PTPRD: variants seen among roughly 807,000 people sequenced by gnomAD.
PTPRD encodes receptor-type tyrosine-protein phosphatase delta.
PTPRD carries 34 observed loss-of-function variants against 214.5 expected under a neutral mutation model. That is an observed-to-expected ratio of 0.16 (90% CI 0.12 to 0.21). The LOEUF (loss-of-function observed/expected upper bound fraction) is 0.21. Among genes scored for constraint, PTPRD ranks in the 10% least tolerant of loss-of-function variants. The probability of loss-of-function intolerance (pLI) is 1.00; values close to 1 mark genes in which losing one functional copy is unlikely to be tolerated. For synonymous variants in PTPRD, 1,128 were observed against 845.7 expected (o/e 1.33, Z -5.79); for missense variants, 2,545 against 2,398.7 (o/e 1.06, Z -1.27).
intron 11 of PTPRD, among the ~76,000 whole-genome samples, chr9:8,814,206 A>G (rs2096874187): frequency 6.6e-6 from 1 of 152,196 alleles, no homozygotes; most frequent in Admixed American, 6.5e-5. Context: ...CTCAAAAGTT[A>G]ATGCCCTCCC....
At chr9:8,364,044 T>C (rs2079152127) in intron 39 of PTPRD, among the ~76,000 whole-genome samples, 1 of 152,234 alleles carries the variant, frequency 6.6e-6, no homozygotes, top group Non-Finnish European at 1.5e-5. Flanking sequence ...TGTTTATTTA[T>C]ATACAATATT....
intron 43 of PTPRD, among the ~76,000 whole-genome samples, chr9:8,333,313 C>A (rs527924857): frequency 6.6e-6 from 1 of 152,052 alleles, no homozygotes; most frequent in Non-Finnish European, 1.5e-5. Flanking sequence ...TCATTTCTGA[C>A]CACAGTTGCT....
intron 2 of PTPRD, among the ~76,000 whole-genome samples, chr9:10,561,857 C>A (rs2064063665): frequency 6.6e-6 from 1 of 152,076 alleles, no homozygotes; most frequent in African/African-American, 2.4e-5. Flanking sequence ...TATACTATAG[C>A]ATATCCCACA....
At chr9:9,641,012 G>A (rs914578714) in intron 7 of PTPRD, among the ~76,000 whole-genome samples, 1 of 152,214 alleles carries the variant, frequency 6.6e-6, no homozygotes, top group Non-Finnish European at 1.5e-5. Flanking sequence ...CCTCATATTG[G>A]CAATGCTGGA....
chr9:10,064,602 G>A (rs568953802), intron 3 of PTPRD, among the ~76,000 whole-genome samples: 10 of 151,820 alleles, frequency 6.6e-5, no homozygotes, highest in Non-Finnish European at 1.2e-4. Flanking sequence ...GAGTATGTTT[G>A]GTCTTATTAT....
At chr9:9,660,221 A>G (rs557618079) in intron 7 of PTPRD, among the ~76,000 whole-genome samples, 46 of 152,138 alleles carry the variant, frequency 3.0e-4, no homozygotes, top group African/African-American at 1.1e-3. Flanking sequence ...GATTTTGGAT[A>G]TTATTTTAGG....
At chr9:8,566,873 A>T (rs1389716404) in intron 14 of PTPRD, among the ~76,000 whole-genome samples, 1 of 152,180 alleles carries the variant, frequency 6.6e-6, no homozygotes, top group Non-Finnish European at 1.5e-5. Context: ...CAGCCTGGAC[A>T]CTGCCTTGGG....
intron 5 of PTPRD, among the ~76,000 whole-genome samples, chr9:9,836,053 C>T (rs1440047362): frequency 2.6e-5 from 4 of 152,128 alleles, no homozygotes; most frequent in African/African-American, 4.8e-5. Context: ...TGTTACTGCT[C>T]ACATCTTTCT....
At chr9:10,582,626 T>G (rs891044216) in intron 2 of PTPRD, among the ~76,000 whole-genome samples, 1 of 152,180 alleles carries the variant, frequency 6.6e-6, no homozygotes, top group African/African-American at 2.4e-5. Context: ...CATTTTAGGG[T>G]GTATTTAATA....
chr9:8,748,417 T>C (rs1209836456), intron 11 of PTPRD, among the ~76,000 whole-genome samples: 1 of 146,762 alleles, frequency 6.8e-6, no homozygotes, highest in African/African-American at 2.5e-5. Flanking sequence ...GATCAGGATA[T>C]AAACCCAGGC....
At chr9:9,895,166 T>TG (rs1428146197) in intron 5 of PTPRD, among the ~76,000 whole-genome samples, 1 of 152,070 alleles carries the variant, frequency 6.6e-6, no homozygotes, top group Non-Finnish European at 1.5e-5. Context: ...TACAAGTACT[T>TG]GTTCCTGACT....
intron 8 of PTPRD, among the ~76,000 whole-genome samples, chr9:9,439,602 G>A (rs566905523): frequency 6.8e-4 from 103 of 152,202 alleles, no homozygotes; most frequent in African/African-American, 2.0e-3. Flanking sequence ...GATTAGAGGT[G>A]CATTCCATTA....
At chr9:8,426,619 G>A (rs552402053) in intron 35 of PTPRD, among the ~76,000 whole-genome samples, 2 of 152,076 alleles carry the variant, frequency 1.3e-5, no homozygotes, top group African/African-American at 4.8e-5. Flanking sequence ...TAGAGAACTT[G>A]TATGAGAACA....
At chr9:10,134,535 A>G (rs1006575594) in intron 3 of PTPRD, among the ~76,000 whole-genome samples, 7 of 152,090 alleles carry the variant, frequency 4.6e-5, no homozygotes, top group African/African-American at 1.2e-4. Context: ...TTACACCACC[A>G]AAACCATTTT....
At chr9:9,919,115 T>C (rs1041306198) in intron 5 of PTPRD, among the ~76,000 whole-genome samples, 56 of 152,224 alleles carry the variant, frequency 3.7e-4, no homozygotes, top group African/African-American at 1.2e-3. Context: ...TGAATGACAA[T>C]ATTTGATTTA....
chr9:9,685,987 A>C (rs1486672041), intron 7 of PTPRD, among the ~76,000 whole-genome samples: 1 of 151,336 alleles, frequency 6.6e-6, no homozygotes, highest in African/African-American at 2.4e-5. Flanking sequence ...TAACTGAAAA[A>C]ATCTTCCTGA....
chr9:8,763,351 A>G (rs1480478407), intron 11 of PTPRD, among the ~76,000 whole-genome samples: 1 of 151,790 alleles, frequency 6.6e-6, no homozygotes, highest in Non-Finnish European at 1.5e-5. Flanking sequence ...ATCTCTAATA[A>G]AAATATACAA....
At chr9:9,699,150 TGG>T (rs1276341825) in intron 7 of PTPRD, among the ~76,000 whole-genome samples, 9 of 151,928 alleles carry the variant, frequency 5.9e-5, no homozygotes, top group African/African-American at 2.2e-4. Flanking sequence ...ATTTTCGTTG[TGG>T]TTATCATGGT....
intron 2 of PTPRD, among the ~76,000 whole-genome samples, chr9:10,423,061 T>C (rs1412837623): frequency 6.6e-6 from 1 of 151,992 alleles, no homozygotes; most frequent in African/African-American, 2.4e-5. Flanking sequence ...AACCCAAATG[T>C]CCATCAATGA....
Sources: gnomAD v4.1 joint callset for allele counts (sites outside exome capture counted in the v4.1 genomes callset) on GRCh38, gnomAD v4.1.1 for gene constraint, MANE v1.5 for transcripts, NCBI Gene and HGNC (gene_info 2026-07-23, HGNC 2026-07-21) for gene names.